Variants in HPSE2 observed in about 807,000 individuals in gnomAD.
The protein encoded by HPSE2 is heparanase 2 (inactive).
Under a neutral mutation model 60.5 loss-of-function variants are expected in HPSE2, and 38 were observed. The observed-to-expected ratio is 0.63, with a 90% CI of 0.48 to 0.82. The LOEUF (loss-of-function observed/expected upper bound fraction) is 0.82. Ranked by LOEUF, HPSE2 falls within the 40% of genes least tolerant of loss-of-function variation. HPSE2 has a pLI of 0.00. For synonymous variants in HPSE2, 295 were observed against 293.2 expected, an observed-to-expected ratio of 1.01 and a Z score of -0.06; for missense variants, 713 against 740.4, an observed-to-expected ratio of 0.96 and a Z score of 0.43.
chr10:99,293,789 T>A, the HPSE2 span, among the ~76,000 whole-genome samples: 3 of 152,164 alleles, frequency 2.0e-5, no homozygotes, highest in Non-Finnish European at 4.4e-5. Context: ...TCAGCCCAGA[T>A]TATAGTCAAT....
At chr10:98,466,038 C>T (rs7906253) in intron 11 of HPSE2, among the ~76,000 whole-genome samples, 12,399 of 152,226 alleles carry the variant, frequency 0.081, 1,483 homozygotes, top group African/African-American at 0.26. Context: ...CGCTACCCTC[C>T]GCCCACCTGT....
intron 7 of HPSE2, among the ~76,000 whole-genome samples, chr10:98,639,492 T>G (rs79003820): frequency 0.025 from 3,840 of 152,264 alleles, 187 homozygotes; most frequent in African/African-American, 0.088. Context: ...TTTCTGCATA[T>G]AGGTCATCTC....
chr10:98,804,774 T>A (rs928369666), intron 3 of HPSE2, among the ~76,000 whole-genome samples: 1 of 152,170 alleles, frequency 6.6e-6, no homozygotes, highest in Admixed American at 6.5e-5. Flanking sequence ...AGCAATCCCA[T>A]TGCTGGGTAT....
intron 3 of HPSE2, among the ~76,000 whole-genome samples, chr10:98,769,104 T>C (rs1367549294): frequency 1.3e-5 from 2 of 152,092 alleles, no homozygotes; most frequent in Non-Finnish European, 2.9e-5. Flanking sequence ...ATTTTAAGTT[T>C]CAAATAAGAA....
At chr10:99,178,325 C>T (rs1224518168) in intron 2 of HPSE2, among the ~76,000 whole-genome samples, 1 of 151,702 alleles carries the variant, frequency 6.6e-6, no homozygotes, top group Non-Finnish European at 1.5e-5. Context: ...ATCAATGAGT[C>T]CAGGAGCTGG....
the HPSE2 span, among the ~76,000 whole-genome samples, chr10:99,260,366 G>A: frequency 2.6e-5 from 4 of 152,120 alleles, no homozygotes; most frequent in Middle Eastern, 3.4e-3. Flanking sequence ...GGACTCTTTC[G>A]GGAGACTGGT....
intron 3 of HPSE2, among the ~76,000 whole-genome samples, chr10:98,949,901 G>A (rs1955304168): frequency 6.6e-6 from 1 of 152,108 alleles, no homozygotes; most frequent in African/African-American, 2.4e-5. Flanking sequence ...CAGGAAGGCA[G>A]AAGTATGGCA....
intron 3 of HPSE2, among the ~76,000 whole-genome samples, chr10:99,125,300 G>A (rs1317817603): frequency 1.3e-5 from 2 of 152,216 alleles, no homozygotes; most frequent in African/African-American, 4.8e-5. Flanking sequence ...AGTGAATCAT[G>A]CAGAGACTGT....
intron 4 of HPSE2, among the ~76,000 whole-genome samples, chr10:98,723,376 T>C (rs10883177): frequency 0.18 from 22,305 of 121,250 alleles, 1,976 homozygotes; most frequent in Admixed American, 0.29. Flanking sequence ...CAGTATCTTA[T>C]TGAGGATTTT....
chr10:98,681,894 T>C (rs1947795849), intron 6 of HPSE2, among the ~76,000 whole-genome samples: 1 of 152,212 alleles, frequency 6.6e-6, no homozygotes, highest in African/African-American at 2.4e-5. Flanking sequence ...AGTAAATAAA[T>C]ATTTTAAAAT....
intron 6 of HPSE2, among the ~76,000 whole-genome samples, chr10:98,677,450 T>C (rs1218827521): frequency 6.6e-6 from 1 of 152,122 alleles, no homozygotes; most frequent in Non-Finnish European, 1.5e-5. Context: ...TAGAGACAAA[T>C]TGTGAGGGAT....
the HPSE2 span, among the ~76,000 whole-genome samples, chr10:99,254,069 A>T: frequency 6.6e-6 from 1 of 152,206 alleles, no homozygotes; most frequent in Non-Finnish European, 1.5e-5. Context: ...CTGGGTATAC[A>T]TCCAGAGAAA....
the HPSE2 span, among the ~76,000 whole-genome samples, chr10:99,293,625 A>G: frequency 1.3e-5 from 2 of 152,232 alleles, no homozygotes; most frequent in East Asian, 1.9e-4. Context: ...TACAGCTGCC[A>G]GTTTTAAAAG....
At chr10:98,470,146 C>T (rs546104323) in intron 11 of HPSE2, among the ~76,000 whole-genome samples, 30 of 151,316 alleles carry the variant, frequency 2.0e-4, no homozygotes, top group East Asian at 9.7e-4. Context: ...TGTTAACACA[C>T]GTTTTAAACA....
intron 3 of HPSE2, among the ~76,000 whole-genome samples, chr10:98,792,553 C>A (rs956529501): frequency 3.3e-5 from 5 of 151,784 alleles, no homozygotes; most frequent in Non-Finnish European, 7.4e-5. Context: ...ACTTACAGTG[C>A]CTGAAAACAT....
intron 7 of HPSE2, 133 bp downstream of exon 7, chr10:98,641,709 ATGCCC>A: frequency 1.3e-6 from 1 of 753,708 alleles, no homozygotes; most frequent in Non-Finnish European, 2.4e-6. Flanking sequence ...GCTTGTGACC[ATGCCC>A]ATCTAGACTG....
intron 3 of HPSE2, among the ~76,000 whole-genome samples, chr10:98,949,549 C>CAATT (rs1955293353): frequency 6.6e-6 from 1 of 152,112 alleles, no homozygotes. Flanking sequence ...TGGAATCAGG[C>CAATT]AATTCTTACA....
intron 3 of HPSE2, among the ~76,000 whole-genome samples, chr10:98,851,376 T>C (rs1191630066): frequency 1.0e-5 from 1 of 97,734 alleles, no homozygotes; most frequent in Non-Finnish European, 2.6e-5. Flanking sequence ...AACCTCTTGC[T>C]TCACAGGTTT....
chr10:99,089,883 C>A (rs186986182), intron 3 of HPSE2, among the ~76,000 whole-genome samples: 1 of 152,210 alleles, frequency 6.6e-6, no homozygotes, highest in African/African-American at 2.4e-5. Context: ...TTGTAGAGTT[C>A]TTTCACCTCC....
Sources: gnomAD v4.1 joint callset for allele counts (sites outside exome capture counted in the v4.1 genomes callset) on GRCh38, gnomAD v4.1.1 for gene constraint, MANE v1.5 for transcripts, NCBI Gene and HGNC (gene_info 2026-07-23, HGNC 2026-07-21) for gene names.